PCDH15: variants seen among roughly 807,000 people sequenced by gnomAD.
The protein encoded by PCDH15 is protocadherin-15.
A neutral mutation model predicts 178.5 loss-of-function variants in PCDH15; 129 were observed. The observed-to-expected ratio is 0.72, with a 90% CI of 0.63 to 0.84. PCDH15 has a LOEUF of 0.84. PCDH15 is among the 40% of genes least tolerant of loss of function. PCDH15 has a pLI of 0.00. For missense variants in PCDH15, 2,230 were observed against 2,099.9 expected, an observed-to-expected ratio of 1.06 and a Z score of -1.21; for synonymous variants, 800 against 732.0, an observed-to-expected ratio of 1.09 and a Z score of -1.50.
At chr10:55,372,324 C>A (rs1317180216) in intron 2 of PCDH15, among the ~76,000 whole-genome samples, 2 of 152,082 alleles carry the variant, frequency 1.3e-5, no homozygotes, top group African/African-American at 4.8e-5. Flanking sequence ...ATATGGCAGG[C>A]ACCATGCTAA....
intron 10 of PCDH15, among the ~76,000 whole-genome samples, chr10:54,204,604 T>A (rs1306963142): frequency 7.9e-5 from 12 of 151,676 alleles, no homozygotes; most frequent in Non-Finnish European, 1.5e-4. Flanking sequence ...AAAATGTTAC[T>A]AAAAAAATAA....
chr10:55,386,999 A>G (rs1266199715), intron 2 of PCDH15, among the ~76,000 whole-genome samples: 1 of 152,146 alleles, frequency 6.6e-6, no homozygotes, highest in East Asian at 1.9e-4. Flanking sequence ...GTGAGAAACT[A>G]TTAACAATAA....
chr10:55,442,475 TA>T, intron 2 of PCDH15, among the ~76,000 whole-genome samples: 1 of 58,086 alleles, frequency 1.7e-5, no homozygotes, highest in South Asian at 5.5e-4. Context: ...ATATATTATA[TA>T]TATATTATAT....
At chr10:54,693,497 T>C (rs962540662) in intron 1 of PCDH15, among the ~76,000 whole-genome samples, 8 of 152,152 alleles carry the variant, frequency 5.3e-5, no homozygotes, top group Non-Finnish European at 7.4e-5. Context: ...GAAACAAATA[T>C]TTTTTCTCAC....
At chr10:54,323,886 T>C (rs2061765308) in intron 7 of PCDH15, among the ~76,000 whole-genome samples, 1 of 152,200 alleles carries the variant, frequency 6.6e-6, no homozygotes, top group Non-Finnish European at 1.5e-5. Flanking sequence ...GGTATTCTAT[T>C]GTCTTGTAAA....
chr10:54,932,960 G>C (rs1484025234), intron 2 of PCDH15, among the ~76,000 whole-genome samples: 1 of 152,098 alleles, frequency 6.6e-6, no homozygotes, highest in Non-Finnish European at 1.5e-5. Context: ...TTATGGTTAA[G>C]TGCTCTATAA....
chr10:54,280,147 C>T (rs187923015), intron 8 of PCDH15, among the ~76,000 whole-genome samples: 25 of 151,796 alleles, frequency 1.6e-4, no homozygotes, highest in Non-Finnish European at 3.2e-4. Flanking sequence ...AAATCAATGT[C>T]ACTTACAAGG....
chr10:55,275,331 ACT>A (rs746990614), intron 1 of PCDH15, among the ~76,000 whole-genome samples: 163 of 152,094 alleles, frequency 1.1e-3, no homozygotes, highest in Non-Finnish European at 2.0e-3. Context: ...TCCTAAATTT[ACT>A]GCTGTTGAAT....
intron 2 of PCDH15, among the ~76,000 whole-genome samples, chr10:54,612,634 C>G (rs2093000709): frequency 6.6e-6 from 1 of 151,394 alleles, no homozygotes; most frequent in African/African-American, 2.4e-5. Context: ...TTTTTATATT[C>G]TAAACTATGT....
At chr10:55,055,302 T>C (rs941059987) in intron 2 of PCDH15, among the ~76,000 whole-genome samples, 1 of 152,146 alleles carries the variant, frequency 6.6e-6, no homozygotes, top group South Asian at 2.1e-4. Context: ...TAATTGGAGA[T>C]GCATGTAAGA....
intron 2 of PCDH15, among the ~76,000 whole-genome samples, chr10:54,556,963 T>C (rs1047891845): frequency 2.0e-5 from 3 of 152,132 alleles, no homozygotes; most frequent in African/African-American, 7.2e-5. Context: ...TAGATCTTTT[T>C]ACCAATTTGT....
chr10:54,135,195 T>C (rs994480047), intron 14 of PCDH15, among the ~76,000 whole-genome samples: 1 of 136,378 alleles, frequency 7.3e-6, no homozygotes, highest in African/African-American at 3.1e-5. Flanking sequence ...AGGGCGAGAC[T>C]CTGTCTCAAA....
rs767169941 is a variant in PCDH15, at chr10:54,585,557, T to C, written c.92-57680A>G. ...AACTTCATAGCTGTAGGCTAACCAA[T>C]AGTTAACAAATAATTCATTCATTTC... On this transcript the variant is annotated intron_variant, in intron 2 of 37. Coordinates refer to ENST00000644397, the MANE Select transcript of PCDH15 (RefSeq NM_001384140.1). The C allele has an allele frequency of 6.1e-5, 14 of 231,022 alleles. No individual in the cohort carries two copies. The Middle Eastern group carries it at 1.4e-3, about 23-fold the overall frequency. The allele number at this position is 231,022 out of a possible 1,614,324, so 14.3% of individuals were successfully genotyped here.
chr10:54,288,403 T>C (rs1564872585), intron 8 of PCDH15, among the ~76,000 whole-genome samples: 1 of 152,098 alleles, frequency 6.6e-6, no homozygotes, highest in Non-Finnish European at 1.5e-5. Context: ...GATTGTCCAA[T>C]GAAGATGGCT....
intron 32 of PCDH15, chr10:53,823,504 A>G: frequency 1.2e-6 from 1 of 828,774 alleles, no homozygotes; most frequent in Non-Finnish European, 2.1e-6. Context: ...GCAAGACATT[A>G]TTTTAATTCC....
At chr10:55,527,874 A>G (rs1367548454) in intron 2 of PCDH15, among the ~76,000 whole-genome samples, 2 of 151,464 alleles carry the variant, frequency 1.3e-5, no homozygotes, top group Admixed American at 6.6e-5. Context: ...TCTGACAACA[A>G]TGAGGTAGCT....
chr10:54,793,050 A>G (rs1245578032), intron 1 of PCDH15, among the ~76,000 whole-genome samples: 6 of 151,776 alleles, frequency 4.0e-5, no homozygotes, highest in Non-Finnish European at 4.4e-5. Context: ...CAATATGAGG[A>G]TGATCTTGTC....
chr10:54,014,270 T>C (rs2092676558), intron 20 of PCDH15, among the ~76,000 whole-genome samples: 1 of 151,972 alleles, frequency 6.6e-6, no homozygotes, highest in African/African-American at 2.4e-5. Flanking sequence ...ATTGAATCAG[T>C]AAATAAAGAG....
chr10:54,454,990 G>A (rs566961358), intron 3 of PCDH15, among the ~76,000 whole-genome samples: 1 of 152,194 alleles, frequency 6.6e-6, no homozygotes, highest in South Asian at 2.1e-4. Context: ...CTCTCATGCT[G>A]TTCTTGTGAT....
Sources: gnomAD v4.1 joint callset for allele counts (sites outside exome capture counted in the v4.1 genomes callset) on GRCh38, gnomAD v4.1.1 for gene constraint, MANE v1.5 for transcripts, NCBI Gene and HGNC (gene_info 2026-07-23, HGNC 2026-07-21) for gene names.